Variants in ATF7IP observed in about 807,000 individuals in gnomAD.
ATF7IP encodes the protein activating transcription factor 7-interacting protein 1.
A neutral mutation model predicts 106.4 loss-of-function variants in ATF7IP; 23 were observed. That is an observed-to-expected ratio of 0.22 (90% CI 0.16 to 0.31). The LOEUF (loss-of-function observed/expected upper bound fraction) is 0.31. Among genes scored for constraint, ATF7IP ranks in the 10% least tolerant of loss-of-function variants. The probability of loss-of-function intolerance (pLI) is 1.00; values close to 1 mark genes in which losing one functional copy is unlikely to be tolerated. For missense variants in ATF7IP, 1,334 were observed against 1,524.3 expected, an observed-to-expected ratio of 0.88 and a Z score of 2.08; for synonymous variants, 542 against 539.0, an observed-to-expected ratio of 1.01 and a Z score of -0.08.
chr12:14,401,583 CT>C (rs34109322), intron 1 of ATF7IP, among the ~76,000 whole-genome samples: 36,815 of 145,040 alleles, frequency 0.25, 5,319 homozygotes, highest in East Asian at 0.38. Context: ...CTGTTGTACT[CT>C]TTTTTTTTTT....
intron 10 of ATF7IP, among the ~76,000 whole-genome samples, chr12:14,470,592 G>A (rs1944003249): frequency 1.3e-5 from 2 of 152,116 alleles, no homozygotes; most frequent in Admixed American, 6.6e-5. Flanking sequence ...TTAATAGTGG[G>A]TGCTTTGGCA....
chr12:14,449,504 T>C (rs1943113959), intron 6 of ATF7IP, among the ~76,000 whole-genome samples: 1 of 152,104 alleles, frequency 6.6e-6, no homozygotes. Context: ...CTGTCTATTT[T>C]TGTGCCAGCA....
At chr12:14,461,765 A>G (rs1943647091) in intron 9 of ATF7IP, among the ~76,000 whole-genome samples, 1 of 152,124 alleles carries the variant, frequency 6.6e-6, no homozygotes, top group South Asian at 2.1e-4. Flanking sequence ...CCTAGTTCCT[A>G]GAAAGAGTTT....
At chr12:14,374,460 T>C (rs12830156) in intron 1 of ATF7IP, among the ~76,000 whole-genome samples, 3,080 of 151,954 alleles carry the variant, frequency 0.02, 34 homozygotes, top group Middle Eastern at 0.031. Context: ...GGTAAAAAGA[T>C]TGTGGTTGTA....
intron 13 of ATF7IP, among the ~76,000 whole-genome samples, chr12:14,489,566 C>G (rs775919497): frequency 2.6e-4 from 39 of 152,236 alleles, no homozygotes; most frequent in Non-Finnish European, 4.6e-4. Context: ...TGAATCCTGG[C>G]TATGGGAGAA....
At chr12:14,398,626 A>G (rs938480191) in intron 1 of ATF7IP, among the ~76,000 whole-genome samples, 25 of 151,902 alleles carry the variant, frequency 1.6e-4, no homozygotes, top group Non-Finnish European at 3.2e-4. Context: ...TGACATGCTA[A>G]TGGGTTGTTC....
chr12:14,438,109 A>T (rs1265208295), intron 4 of ATF7IP, 21 bp from the exon 5 acceptor site: 1 of 1,603,280 alleles, frequency 6.2e-7, no homozygotes, highest in Non-Finnish European at 8.5e-7. Flanking sequence ...TGGCATAATG[A>T]AGGAATATTT....
At chr12:14,377,629 T>G (rs1007927612) in intron 1 of ATF7IP, among the ~76,000 whole-genome samples, 17 of 151,830 alleles carry the variant, frequency 1.1e-4, no homozygotes, top group African/African-American at 3.9e-4. Flanking sequence ...TTTCTTTTTT[T>G]TTTTGACAGA....
chr12:14,440,241 TC>T (rs1214773352), intron 5 of ATF7IP, among the ~76,000 whole-genome samples: 4 of 152,280 alleles, frequency 2.6e-5, no homozygotes, highest in Non-Finnish European at 4.4e-5. Context: ...ATTACCCAAT[TC>T]CTTGATTATA....
In ATF7IP at chr12:14,425,108, A is replaced by G. The variant is rs372543706; in HGVS notation, c.1193A>G (p.Asn398Ser). Residue 398 changes from asparagine to serine, a missense_variant, in exon 2 of 15, where the codon AAT (asparagine) becomes AGT (serine). By Grantham distance (46) the Asn-to-Ser change is conservative. Transcript: ENST00000261168. ...SSMEIDQGEK[N>S]EDETSADLVE... ...ATGGAAATTGACCAAGGTGAAAAGA[A>G]TGAAGATGAAACTTCTGCAGATCTT... The G allele has an allele frequency of 2.5e-5, 40 of 1,588,532 alleles. No individual in the cohort carries two copies. In the African/African-American group the frequency reaches 4.9e-4, roughly 20 times the overall value.
chr12:14,369,984 C>T (rs962681129), intron 1 of ATF7IP, among the ~76,000 whole-genome samples: 1 of 150,986 alleles, frequency 6.6e-6, no homozygotes, highest in South Asian at 2.1e-4. Flanking sequence ...GTTGCCCAGG[C>T]TGGAGTGCAA....
intron 9 of ATF7IP, among the ~76,000 whole-genome samples, chr12:14,461,572 T>G (rs1168872137): frequency 1.3e-5 from 2 of 152,212 alleles, no homozygotes; most frequent in Non-Finnish European, 2.9e-5. Flanking sequence ...GCTTCCAAAT[T>G]TGAACAACTT....
chr12:14,373,817 CA>C (rs1938621178), intron 1 of ATF7IP, among the ~76,000 whole-genome samples: 1 of 151,902 alleles, frequency 6.6e-6, no homozygotes, highest in Admixed American at 6.6e-5. Context: ...GTTGGGGTCC[CA>C]GTTATTATAA....
At chr12:14,481,404 T>TTAAGTATTG (rs762782076) in intron 13 of ATF7IP, 47 of 582,442 alleles carry the variant, frequency 8.1e-5, no homozygotes, top group Non-Finnish European at 1.4e-4. Context: ...AGAGCAGATT[T>TTAAGTATTG]TAAGTATTGT....
At chr12:14,406,695 C>T (rs1353034919) in intron 1 of ATF7IP, among the ~76,000 whole-genome samples, 5 of 136,676 alleles carry the variant, frequency 3.7e-5, no homozygotes, top group East Asian at 4.3e-4. Flanking sequence ...GATGGAGTCT[C>T]GCTCTTTTGC....
intron 1 of ATF7IP, among the ~76,000 whole-genome samples, chr12:14,366,411 A>G (rs780780447): frequency 6.6e-6 from 1 of 152,128 alleles, no homozygotes; most frequent in Non-Finnish European, 1.5e-5. Context: ...TTTTAACCCT[A>G]TTTTTACCTG....
Position 14,434,943 on chromosome 12 carries a change from C to T in ATF7IP, c.1645+520C>T, listed in dbSNP as rs1335338684. On this transcript the variant is annotated intron_variant, in intron 3 of 14. Coordinates refer to ENST00000261168, the MANE Select transcript of ATF7IP (RefSeq NM_018179.5). ...TCTACAGAAAAAATATTTGAATTAGCCAGGCATGGTGGCACACACCTGTAG... is the reference window on the plus strand; with the variant it reads ...TCTACAGAAAAAATATTTGAATTAGTCAGGCATGGTGGCACACACCTGTAG... Among the ~76,000 whole-genome samples, 3 of 152,030 alleles carry T rather than the reference C, an allele frequency of 2.0e-5. No individual in the cohort carries two copies. In the East Asian group the frequency reaches 5.8e-4, roughly 29 times the overall value.
At chr12:14,458,202 C>A (rs1243258823) in intron 8 of ATF7IP, among the ~76,000 whole-genome samples, 1 of 151,626 alleles carries the variant, frequency 6.6e-6, no homozygotes, top group East Asian at 1.9e-4. Flanking sequence ...ATTTTCCAAG[C>A]TTAAAAATAG....
At chr12:14,442,903 C>T (rs569568696) in intron 5 of ATF7IP, among the ~76,000 whole-genome samples, 4 of 152,036 alleles carry the variant, frequency 2.6e-5, no homozygotes, top group East Asian at 3.9e-4. Flanking sequence ...GCTTGTAATC[C>T]GAGCACTTTG....
Sources: gnomAD v4.1 joint callset for allele counts (sites outside exome capture counted in the v4.1 genomes callset) on GRCh38, gnomAD v4.1.1 for gene constraint, MANE v1.5 for transcripts, NCBI Gene and HGNC (gene_info 2026-07-23, HGNC 2026-07-21) for gene names.